The following SUGCT variants were observed in gnomAD, a reference collection of about 807,000 sequenced individuals.
The protein encoded by SUGCT is succinyl-CoA:glutarate-CoA transferase, also known as succinyl-CoA:glutarate CoA-transferase.
SUGCT carries 41 observed loss-of-function variants against 55.0 expected under a neutral mutation model. The observed-to-expected ratio is 0.74, with a 90% CI of 0.58 to 0.97. The LOEUF is 0.97. Ranked by LOEUF, SUGCT falls within the 50% of genes least tolerant of loss-of-function variation. SUGCT has a pLI of 0.00. For synonymous variants in SUGCT, 187 were observed against 200.4 expected, an observed-to-expected ratio of 0.93 and a Z score of 0.56; for missense variants, 568 against 547.8, an observed-to-expected ratio of 1.04 and a Z score of -0.37.
chr7:40,567,151 G>A lies in SUGCT; in HGVS notation c.1089+70765G>A, dbSNP rs766869668. Among the ~76,000 whole-genome samples, 4 of 152,140 alleles carry A rather than the reference G, an allele frequency of 2.6e-5. 1 individual carries two copies. The highest frequency in any genetic ancestry group is 5.9e-5 in the Non-Finnish European group (4 of 68,018). ...TAATATATACATTTAACAAAATCCT[G>A]TTTTGTATTGCTTCTATAAACACTG... On this transcript the variant is annotated intron_variant, in intron 12 of 13. Coordinates refer to ENST00000335693, the MANE Select transcript of SUGCT (RefSeq NM_001193313.2).
chr7:40,928,287 A>G, the SUGCT span, among the ~76,000 whole-genome samples: 2 of 151,998 alleles, frequency 1.3e-5, no homozygotes, highest in Admixed American at 1.3e-4. Context: ...TATTAGACAT[A>G]TGTTGGAACT....
At chr7:40,369,846 G>C (rs1784200711) in intron 9 of SUGCT, among the ~76,000 whole-genome samples, 1 of 152,130 alleles carries the variant, frequency 6.6e-6, no homozygotes, top group Admixed American at 6.6e-5. Flanking sequence ...GCTTTGATAG[G>C]TCATGGAAAG....
the SUGCT span, among the ~76,000 whole-genome samples, chr7:40,900,904 A>T: frequency 6.6e-6 from 1 of 152,246 alleles, no homozygotes; most frequent in Non-Finnish European, 1.5e-5. Flanking sequence ...AAGCACGTGC[A>T]ATTCAAAATA....
At chr7:40,743,086 G>A (rs950903829) in intron 12 of SUGCT, among the ~76,000 whole-genome samples, 1 of 152,140 alleles carries the variant, frequency 6.6e-6, no homozygotes, top group Admixed American at 6.5e-5. Context: ...TATCGATAAT[G>A]ACCATTGTCC....
intron 11 of SUGCT, among the ~76,000 whole-genome samples, chr7:40,478,816 A>C (rs187607841): frequency 3.3e-5 from 5 of 152,230 alleles, no homozygotes. Context: ...TGAGCAAGAT[A>C]TCCCTCTCCC....
intron 10 of SUGCT, among the ~76,000 whole-genome samples, chr7:40,454,006 A>G (rs566207446): frequency 6.6e-6 from 1 of 152,202 alleles, no homozygotes; most frequent in African/African-American, 2.4e-5. Flanking sequence ...TAAAAGTATA[A>G]TAACCAAGAA....
chr7:40,358,241 A>G (rs1365362164), intron 9 of SUGCT, among the ~76,000 whole-genome samples: 1 of 152,232 alleles, frequency 6.6e-6, no homozygotes, highest in East Asian at 1.9e-4. Context: ...GGGAGAGGTT[A>G]TACCTGAAAA....
chr7:40,870,478 C>T, the SUGCT span, among the ~76,000 whole-genome samples: 2 of 152,102 alleles, frequency 1.3e-5, no homozygotes, highest in African/African-American at 4.8e-5. Context: ...CCACACAGTC[C>T]AAAATAACTC....
At chr7:40,388,711 C>T (rs535839112) in intron 9 of SUGCT, among the ~76,000 whole-genome samples, 5 of 152,230 alleles carry the variant, frequency 3.3e-5, no homozygotes, top group East Asian at 3.9e-4. Context: ...CCACTGCGCC[C>T]GGGCAGAACA....
intron 9 of SUGCT, chr7:40,388,056 T>C (rs1034373524): frequency 6.6e-6 from 1 of 152,316 alleles, no homozygotes; most frequent in African/African-American, 2.4e-5. Flanking sequence ...GTCAGTGTTA[T>C]GCTGAATTTG....
intron 10 of SUGCT, among the ~76,000 whole-genome samples, chr7:40,450,842 A>G (rs924535092): frequency 6.6e-6 from 1 of 152,170 alleles, no homozygotes; most frequent in African/African-American, 2.4e-5. Context: ...ATGTACAGAA[A>G]TTACTTATTA....
chr7:40,625,530 A>C (rs971038959), intron 12 of SUGCT, among the ~76,000 whole-genome samples: 1 of 151,824 alleles, frequency 6.6e-6, no homozygotes, highest in African/African-American at 2.4e-5. Flanking sequence ...GCCATCCATC[A>C]GTTCAAAATT....
chr7:40,186,346 C>T (rs375784112), intron 3 of SUGCT, among the ~76,000 whole-genome samples: 90 of 151,540 alleles, frequency 5.9e-4, no homozygotes, highest in Middle Eastern at 3.4e-3. Context: ...GCAGCATTGA[C>T]CTCCTGAGCT....
chr7:40,677,178 CAGAA>C (rs1216873050), intron 12 of SUGCT, among the ~76,000 whole-genome samples: 2 of 152,102 alleles, frequency 1.3e-5, no homozygotes, highest in Admixed American at 1.3e-4. Flanking sequence ...TGTTTCCAAA[CAGAA>C]AGAGTTGGAA....
intron 12 of SUGCT, among the ~76,000 whole-genome samples, chr7:40,649,417 G>A (rs1187025922): frequency 6.6e-6 from 1 of 152,052 alleles, no homozygotes; most frequent in African/African-American, 2.4e-5. Flanking sequence ...GGGAAGGATT[G>A]AGAGATTATG....
At chr7:40,761,266 G>A (rs1158096443) in intron 13 of SUGCT, among the ~76,000 whole-genome samples, 1 of 152,178 alleles carries the variant, frequency 6.6e-6, no homozygotes, top group Non-Finnish European at 1.5e-5. Flanking sequence ...TTCCAAGTAG[G>A]AGCTCTTGGA....
the SUGCT span, among the ~76,000 whole-genome samples, chr7:41,015,704 G>A: frequency 0.35 from 53,942 of 152,046 alleles, 10,470 homozygotes; most frequent in Non-Finnish European, 0.44. Flanking sequence ...TTCTGGTAGA[G>A]CCCTTCAGAC....
chr7:40,376,116 A>AGTTAT (rs1784528437), intron 9 of SUGCT, among the ~76,000 whole-genome samples: 1 of 152,212 alleles, frequency 6.6e-6, no homozygotes, highest in African/African-American at 2.4e-5. Flanking sequence ...TCTTTTAAAA[A>AGTTAT]GTTATAGGAT....
intron 7 of SUGCT, among the ~76,000 whole-genome samples, chr7:40,256,751 CT>C (rs1484702430): frequency 6.6e-6 from 1 of 151,818 alleles, no homozygotes; most frequent in East Asian, 1.9e-4. Flanking sequence ...TTATTTTTTA[CT>C]TTTTTGTCTG....
Sources: gnomAD v4.1 joint callset for allele counts (sites outside exome capture counted in the v4.1 genomes callset) on GRCh38, gnomAD v4.1.1 for gene constraint, MANE v1.5 for transcripts, NCBI Gene and HGNC (gene_info 2026-07-23, HGNC 2026-07-21) for gene names.